The following LSAMP variants were observed in gnomAD, a reference collection of about 807,000 sequenced individuals.
The protein encoded by LSAMP is limbic system associated membrane protein.
In LSAMP, 7 loss-of-function variants were observed where a neutral mutation model predicts 38.6. That is an observed-to-expected ratio of 0.18 (90% CI 0.10 to 0.34). The LOEUF (loss-of-function observed/expected upper bound fraction) is 0.34, where lower values mean the gene tolerates loss of function less well. Among genes scored for constraint, LSAMP ranks in the 10% least tolerant of loss-of-function variants. The pLI is 1.00. For missense variants in LSAMP, 313 were observed against 420.0 expected (o/e 0.75, Z 2.23); for synonymous variants, 154 against 166.8 (o/e 0.92, Z 0.59).
chr3:116,405,087 C>T (rs1167000037), intron 1 of LSAMP, among the ~76,000 whole-genome samples: 4 of 152,098 alleles, frequency 2.6e-5, no homozygotes, highest in South Asian at 2.1e-4. Context: ...TTAGGTAGTA[C>T]GCAAGTAATA....
intron 3 of LSAMP, among the ~76,000 whole-genome samples, chr3:115,979,184 G>T (rs2107623912): frequency 6.6e-6 from 1 of 151,838 alleles, no homozygotes; most frequent in Non-Finnish European, 1.5e-5. Flanking sequence ...GGGAAGAAGA[G>T]CAAAGAGGGG....
intron 1 of LSAMP, among the ~76,000 whole-genome samples, chr3:116,155,683 T>C (rs375425759): frequency 1.3e-5 from 2 of 152,190 alleles, no homozygotes; most frequent in African/African-American, 2.4e-5. Context: ...TACATACATA[T>C]ATATACATAC....
chr3:115,835,054 T>C (rs1934740059), intron 6 of LSAMP, among the ~76,000 whole-genome samples: 1 of 152,176 alleles, frequency 6.6e-6, no homozygotes, highest in Non-Finnish European at 1.5e-5. Flanking sequence ...CACATCAGCT[T>C]TAGCCAAGCA....
intron 1 of LSAMP, among the ~76,000 whole-genome samples, chr3:116,127,172 A>G (rs1423466992): frequency 6.6e-6 from 1 of 152,222 alleles, no homozygotes; most frequent in Non-Finnish European, 1.5e-5. Context: ...TGCCAAATGC[A>G]TAGGGTTTTA....
intron 3 of LSAMP, among the ~76,000 whole-genome samples, chr3:115,949,844 C>T (rs1938225631): frequency 1.3e-5 from 2 of 150,910 alleles, no homozygotes; most frequent in African/African-American, 2.4e-5. Context: ...AAATTAGCAA[C>T]AAAATACTAC....
At chr3:116,181,799 C>A (rs750531177) in intron 1 of LSAMP, among the ~76,000 whole-genome samples, 1 of 151,894 alleles carries the variant, frequency 6.6e-6, no homozygotes, top group South Asian at 2.1e-4. Context: ...CAGATGTCTA[C>A]GCATCTGATT....
intron 1 of LSAMP, among the ~76,000 whole-genome samples, chr3:116,196,620 A>G (rs1011645456): frequency 1.3e-5 from 2 of 152,208 alleles, no homozygotes; most frequent in East Asian, 1.9e-4. Context: ...AACTGTAGGG[A>G]AAAAGAGGTC....
At chr3:115,829,210 A>C (rs1934528140) in intron 6 of LSAMP, among the ~76,000 whole-genome samples, 1 of 152,292 alleles carries the variant, frequency 6.6e-6, no homozygotes, top group Middle Eastern at 3.4e-3. Flanking sequence ...GGTGGGGGAG[A>C]TAAGACACAG....
intron 1 of LSAMP, among the ~76,000 whole-genome samples, chr3:116,216,403 G>A (rs949060583): frequency 6.6e-6 from 1 of 152,054 alleles, no homozygotes; most frequent in African/African-American, 2.4e-5. Flanking sequence ...GGCATTAATT[G>A]TCCTTGTTCT....
Position 115,984,481 on chromosome 3 carries a change from C to A in LSAMP, c.514+35034G>T, listed in dbSNP as rs921158317. On this transcript the variant is annotated intron_variant, in intron 3 of 6. Coordinates refer to ENST00000490035, the MANE Select transcript of LSAMP (RefSeq NM_002338.5). ...ATTTACTGAGAGTCTACTATAGGTA[C>A]AAAGTGTGAGGGATTTAGCTATGTG... Among the ~76,000 whole-genome samples, 9 of 152,176 alleles carry A rather than the reference C, an allele frequency of 5.9e-5. 1 individual carries two copies. The highest frequency in any genetic ancestry group is 4.6e-4 in the Admixed American group (7 of 15,280).
intron 3 of LSAMP, among the ~76,000 whole-genome samples, chr3:115,854,286 T>TATTATTA (rs1559851939): frequency 8.6e-6 from 1 of 116,532 alleles, no homozygotes; most frequent in Non-Finnish European, 1.8e-5. Context: ...ATTATTATTT[T>TATTATTA]TTTTTTTTTT....
intron 1 of LSAMP, among the ~76,000 whole-genome samples, chr3:116,132,867 C>A (rs73140911): frequency 0.18 from 26,902 of 152,096 alleles, 2,476 homozygotes; most frequent in Admixed American, 0.22. Context: ...GTGATGTTCA[C>A]GTGAGAGAAC....
intron 1 of LSAMP, among the ~76,000 whole-genome samples, chr3:116,164,213 A>G (rs1709974830): frequency 6.6e-6 from 1 of 152,086 alleles, no homozygotes; most frequent in African/African-American, 2.4e-5. Context: ...GCAGTTAGAA[A>G]GAAGTGTCTG....
chr3:116,185,228 A>T (rs2107574662), intron 1 of LSAMP, among the ~76,000 whole-genome samples: 1 of 151,796 alleles, frequency 6.6e-6, no homozygotes, highest in Admixed American at 6.6e-5. Flanking sequence ...TTTTCATTTG[A>T]GTTCTAAACA....
intron 1 of LSAMP, among the ~76,000 whole-genome samples, chr3:116,237,736 T>C (rs1443048403): frequency 6.6e-6 from 1 of 152,206 alleles, no homozygotes; most frequent in Non-Finnish European, 1.5e-5. Context: ...GCACATCTTA[T>C]TGACCAGGAC....
Position 116,258,666 on chromosome 3 carries a change from A to G in LSAMP, c.156-172110T>C, listed in dbSNP as rs570117369. On this transcript the variant is annotated intron_variant, in intron 1 of 6. Coordinates refer to ENST00000490035, the MANE Select transcript of LSAMP (RefSeq NM_002338.5). ...GGTCCACAGTTTGAATCAATGAAGC[A>G]ATAGCGGCCAATAGGAAAATTATTT... 1.3e-3 allele frequency among the ~76,000 whole-genome samples: 205 copies of G among 152,232 alleles called. 3 individuals carry two copies. The highest frequency in any genetic ancestry group is 4.8e-3 in the African/African-American group (199 of 41,568).
intron 3 of LSAMP, among the ~76,000 whole-genome samples, chr3:115,885,852 C>A (rs1936440677): frequency 1.3e-5 from 2 of 151,892 alleles, no homozygotes; most frequent in East Asian, 3.9e-4. Flanking sequence ...GAAAAAAAAC[C>A]ATTGCCCAAT....
chr3:115,896,964 T>TG (rs1936744831), intron 3 of LSAMP, among the ~76,000 whole-genome samples: 1 of 152,094 alleles, frequency 6.6e-6, no homozygotes, highest in African/African-American at 2.4e-5. Flanking sequence ...GCCTGCCCTT[T>TG]GGGGTTGTAT....
At chr3:116,393,523 G>GGTGTGGGACCCAGGCTGGTA (rs1379673512) in intron 1 of LSAMP, among the ~76,000 whole-genome samples, 1 of 152,172 alleles carries the variant, frequency 6.6e-6, no homozygotes, top group African/African-American at 2.4e-5. Flanking sequence ...CTCCCTTGGA[G>GGTGTGGGACCCAGGCTGGTA]GTGTGGGACC....
Sources: gnomAD v4.1 joint callset for allele counts (sites outside exome capture counted in the v4.1 genomes callset) on GRCh38, gnomAD v4.1.1 for gene constraint, MANE v1.5 for transcripts, NCBI Gene and HGNC (gene_info 2026-07-23, HGNC 2026-07-21) for gene names.